The following FAF1 variants were observed in gnomAD, a reference collection of about 807,000 sequenced individuals.
The protein encoded by FAF1 is FAS-associated factor 1.
In FAF1, 25 loss-of-function variants were observed where a neutral mutation model predicts 92.5. The ratio of observed to expected loss-of-function variants is 0.27; its 90% CI spans 0.20 to 0.38. The LOEUF (loss-of-function observed/expected upper bound fraction) is 0.38, where lower values mean the gene tolerates loss of function less well. Among genes scored for constraint, FAF1 ranks in the 10% least tolerant of loss-of-function variants. The pLI, the probability that FAF1 is intolerant of heterozygous loss-of-function variation, is 1.00. For synonymous variants in FAF1, 234 were observed against 273.2 expected, an observed-to-expected ratio of 0.86 and a Z score of 1.42; for missense variants, 636 against 793.3, an observed-to-expected ratio of 0.80 and a Z score of 2.38.
chr1:50,591,024 G>T (rs964858652), intron 9 of FAF1, among the ~76,000 whole-genome samples: 1 of 151,460 alleles, frequency 6.6e-6, no homozygotes, highest in African/African-American at 2.4e-5. Flanking sequence ...TTCTTATCTT[G>T]TTCCTGATTT....
chr1:50,544,261 A>T (rs536192628), intron 13 of FAF1, among the ~76,000 whole-genome samples: 223 of 152,364 alleles, frequency 1.5e-3, no homozygotes, highest in African/African-American at 5.2e-3. Context: ...AACAGAGTAT[A>T]TGACTAAGCT....
chr1:50,813,968 C>CAT (rs574827677), intron 2 of FAF1, among the ~76,000 whole-genome samples: 274 of 151,948 alleles, frequency 1.8e-3, no homozygotes, highest in African/African-American at 6.2e-3. Flanking sequence ...AGTACCACAC[C>CAT]ATATATATAT....
At chr1:50,567,045 C>G in intron 13 of FAF1, 32 bp downstream of exon 13, 2 of 1,473,100 alleles carry the variant, frequency 1.4e-6, no homozygotes, top group Non-Finnish European at 1.8e-6. Context: ...TTAATAGAAG[C>G]CCAACTTGTA....
At chr1:50,573,949 G>A (rs1288865355) in intron 12 of FAF1, among the ~76,000 whole-genome samples, 1 of 151,692 alleles carries the variant, frequency 6.6e-6, no homozygotes, top group Non-Finnish European at 1.5e-5. Flanking sequence ...CCAACAGGGC[G>A]AAACCCCATC....
At chr1:50,931,730 A>G (rs369805097) in intron 1 of FAF1, among the ~76,000 whole-genome samples, 3 of 151,926 alleles carry the variant, frequency 2.0e-5, no homozygotes, top group Non-Finnish European at 4.4e-5. Flanking sequence ...CAAAAAAATT[A>G]GCCAGGCATA....
intron 1 of FAF1, among the ~76,000 whole-genome samples, chr1:50,938,919 G>C (rs1187627408): frequency 6.6e-6 from 1 of 152,044 alleles, no homozygotes; most frequent in Admixed American, 6.6e-5. Flanking sequence ...TGTTCCATTG[G>C]TCTATGTGTC....
Position 50,583,260 on chromosome 1 carries a change from AT to A in FAF1, c.1031+391del, listed in dbSNP as rs145533324. Among the ~76,000 whole-genome samples the A allele has an allele frequency of 7.7e-3, 1,165 of 151,930 alleles. 12 individuals carry two copies. Among genetic ancestry groups the A allele is most frequent in the African/African-American group, 0.027 (1,126 of 41,552 alleles). The stretch of plus-strand genomic sequence containing the variant: ...TGTAAAGCAATTCCAAAAGAAAAAA[AT>A]AAAGGAAAAAATTCACTTGGATTTA... On this transcript the variant is annotated intron_variant, in intron 11 of 18. Transcript: ENST00000396153. The surrounding 1 kb of genome is among the most constrained non-coding windows in gnomAD (Gnocchi z 4.2).
intron 9 of FAF1, among the ~76,000 whole-genome samples, chr1:50,595,243 G>A (rs550661280): frequency 1.3e-4 from 20 of 151,936 alleles, no homozygotes; most frequent in Admixed American, 4.6e-4. Flanking sequence ...TAGTAGAGAC[G>A]GAGTTTCTCC....
chr1:50,659,303 AG>A (rs1209364427), intron 7 of FAF1, among the ~76,000 whole-genome samples: 1 of 151,862 alleles, frequency 6.6e-6, no homozygotes, highest in African/African-American at 2.4e-5. Context: ...AAGAGAAGAG[AG>A]GAAGATGGAG....
intron 4 of FAF1, among the ~76,000 whole-genome samples, chr1:50,753,709 A>G (rs1231617283): frequency 6.6e-6 from 1 of 151,454 alleles, no homozygotes; most frequent in African/African-American, 2.4e-5. Context: ...CTCTTTTTGA[A>G]CACAGGTAAT....
At chr1:50,697,521 G>A (rs956995074) in intron 7 of FAF1, among the ~76,000 whole-genome samples, 1 of 152,114 alleles carries the variant, frequency 6.6e-6, no homozygotes, top group African/African-American at 2.4e-5. Flanking sequence ...GCCGTATATA[G>A]GAACAGCTGC....
At chr1:50,726,990 C>T (rs1277760278) in intron 6 of FAF1, among the ~76,000 whole-genome samples, 1 of 152,174 alleles carries the variant, frequency 6.6e-6, no homozygotes, top group African/African-American at 2.4e-5. Context: ...AATACAAAGC[C>T]CAGAAATGTC....
intron 1 of FAF1, among the ~76,000 whole-genome samples, chr1:50,876,751 T>C (rs1644575170): frequency 6.6e-6 from 1 of 152,078 alleles, no homozygotes; most frequent in Non-Finnish European, 1.5e-5. Context: ...ACCTGGCTAA[T>C]GTTTGTATTT....
chr1:50,900,274 A>G (rs1035465406), intron 1 of FAF1, among the ~76,000 whole-genome samples: 2 of 152,232 alleles, frequency 1.3e-5, no homozygotes, highest in African/African-American at 4.8e-5. Context: ...GCTTCATTTC[A>G]CATAAAATAT....
At chr1:50,840,024 T>C (rs969520778) in intron 2 of FAF1, among the ~76,000 whole-genome samples, 3 of 151,950 alleles carry the variant, frequency 2.0e-5, no homozygotes, top group Non-Finnish European at 4.4e-5. Flanking sequence ...AAACTGGTGC[T>C]AAAACAAGTG....
chr1:50,742,728 T>C (rs375998765), intron 5 of FAF1, among the ~76,000 whole-genome samples: 4 of 152,290 alleles, frequency 2.6e-5, no homozygotes, highest in East Asian at 1.9e-4. Context: ...AATGAATAAA[T>C]AACTACAAAA....
intron 15 of FAF1, among the ~76,000 whole-genome samples, chr1:50,528,508 A>C (rs1400299373): frequency 6.6e-6 from 1 of 152,164 alleles, no homozygotes; most frequent in Non-Finnish European, 1.5e-5. Flanking sequence ...CTCTTATATG[A>C]TCAATTTTTA....
chr1:50,920,991 CACAG>C (rs1222455418), intron 1 of FAF1, among the ~76,000 whole-genome samples: 3 of 152,120 alleles, frequency 2.0e-5, no homozygotes, highest in African/African-American at 7.2e-5. Context: ...TATCTTTTAT[CACAG>C]ACAAATGATT....
At chr1:50,818,014 G>C (rs1476022671) in intron 2 of FAF1, among the ~76,000 whole-genome samples, 1 of 152,058 alleles carries the variant, frequency 6.6e-6, no homozygotes, top group African/African-American at 2.4e-5. Context: ...AAACAAAACA[G>C]ATCAAAAATT....
Sources: gnomAD v4.1 joint callset for allele counts (sites outside exome capture counted in the v4.1 genomes callset) on GRCh38, gnomAD v4.1.1 for gene constraint, Gnocchi (gnomAD v3.1) non-coding constraint, MANE v1.5 for transcripts, NCBI Gene and HGNC (gene_info 2026-07-23, HGNC 2026-07-21) for gene names.